Variants in DOCK6 observed in about 807,000 individuals in gnomAD.
DOCK6 encodes the protein dedicator of cytokinesis 6.
In DOCK6, 167 loss-of-function variants were observed where a neutral mutation model predicts 230.3. The ratio of observed to expected loss-of-function variants is 0.73; its 90% CI spans 0.64 to 0.82. The LOEUF (loss-of-function observed/expected upper bound fraction) is 0.82, where lower values mean the gene tolerates loss of function less well. DOCK6 is among the 40% of genes least tolerant of loss of function. The probability of loss-of-function intolerance (pLI) is 0.00; values close to 1 mark genes in which losing one functional copy is unlikely to be tolerated. For synonymous variants in DOCK6, 1,148 were observed against 1,185.0 expected, an observed-to-expected ratio of 0.97 and a Z score of 0.64; for missense variants, 2,598 against 2,825.8, an observed-to-expected ratio of 0.92 and a Z score of 1.83.
At chr19:11,259,556 C>CTTTTTTTTTTTTTTTTTTTT (rs756965986) in intron 1 of DOCK6, among the ~76,000 whole-genome samples, 3 of 103,644 alleles carry the variant, frequency 2.9e-5, no homozygotes, top group African/African-American at 7.0e-5. Context: ...TATTTCTTTT[C>CTTTTTTTTTTTTTTTTTTTT]TTTTTTTTTT....
chr19:11,204,433 C>A, intron 39 of DOCK6, 102 bp from the exon 40 acceptor site: 1 of 1,474,262 alleles, frequency 6.8e-7, no homozygotes, highest in African/African-American at 1.4e-5. Flanking sequence ...CCTACCCACC[C>A]TCCATCACCT....
At chr19:11,239,628 A>G in intron 14 of DOCK6, 2 of 1,613,538 alleles carry the variant, frequency 1.2e-6, no homozygotes, top group Non-Finnish European at 1.7e-6. Flanking sequence ...TATACCTTAG[A>G]CCCTCAGTCA....
intron 39 of DOCK6, among the ~76,000 whole-genome samples, chr19:11,204,886 T>C (rs1003385748): frequency 6.6e-6 from 1 of 152,128 alleles, no homozygotes; most frequent in African/African-American, 2.4e-5. Flanking sequence ...ACAGGTACGA[T>C]GTACATCTGC....
At position 11,222,830 on chromosome 19, in the gene DOCK6, A is replaced by G; in HGVS notation, c.3145T>C (p.Cys1049Arg). 1 of 1,599,786 alleles carries G rather than the reference A, an allele frequency of 6.3e-7. No individual in the cohort carries two copies. Among genetic ancestry groups the G allele is most frequent in the Non-Finnish European group, 8.5e-7 (1 of 1,173,700 alleles). The change falls in exon 26 of 48, where the codon TGC becomes CGC. Residue 1049 changes from cysteine (C) to arginine (R), a missense_variant. Coordinates refer to ENST00000294618, the MANE Select transcript of DOCK6 (RefSeq NM_020812.4). This position sits in a 1 kb window ranked among gnomAD's most constrained non-coding sequence, Gnocchi z 4.0. ...TLRMEFTRIL[C>R]SHEHYVTLNL... Reference sequence around the variant, plus strand: ...AGGGTCACGTAGTGCTCGTGGCTGCACAGGATGCGGGTGAATTCCATGCGC... The same window carrying G: ...AGGGTCACGTAGTGCTCGTGGCTGCGCAGGATGCGGGTGAATTCCATGCGC...
At chr19:11,256,556 G>C (rs992279534) in intron 1 of DOCK6, among the ~76,000 whole-genome samples, 1 of 152,256 alleles carries the variant, frequency 6.6e-6, no homozygotes, top group Non-Finnish European at 1.5e-5. Context: ...GCTGTTCTGA[G>C]TGTAAGGCTT....
rs1205178996 is a variant in DOCK6 at position 11,252,070 on chromosome 19, G to A, written c.507+49C>T. ...CACATGTGACCAAAAGCTGAGGCCG[G>A]AGCCTCCACACATACCCCTTCAGTG... On this transcript the variant is annotated intron_variant, in intron 5 of 47. Transcript: ENST00000294618. 7.0e-6 allele frequency: 11 copies of A among 1,566,784 alleles called. No individual in the cohort carries two copies. In the South Asian group the frequency reaches 9.4e-5, roughly 13 times the overall value.
At chr19:11,256,665 G>A (rs1282884318) in intron 1 of DOCK6, among the ~76,000 whole-genome samples, 2 of 152,010 alleles carry the variant, frequency 1.3e-5, no homozygotes, top group Admixed American at 6.6e-5. Flanking sequence ...TTTTGTTTTC[G>A]TTTTTTAAAA....
At chr19:11,261,886 G>A (rs571726121) in intron 1 of DOCK6, among the ~76,000 whole-genome samples, 1 of 152,188 alleles carries the variant, frequency 6.6e-6, no homozygotes, top group East Asian at 1.9e-4. Context: ...AGGGGGAAGG[G>A]CACGGGAAAC....
chr19:11,245,965 G>T (rs192691712), intron 7 of DOCK6, 87 bp from the exon 8 acceptor site: 9 of 1,442,446 alleles, frequency 6.2e-6, no homozygotes, highest in Non-Finnish European at 8.6e-6. Flanking sequence ...AAGGTGGGGG[G>T]CATCTGACTC....
At position 11,209,083 on chromosome 19, in the gene DOCK6, C is replaced by T. The variant is rs765970945; in HGVS notation, c.4772G>A (p.Gly1591Asp). The T allele has an allele frequency of 6.8e-6, 11 of 1,611,736 alleles. No individual in the cohort carries two copies. Among genetic ancestry groups the T allele is most frequent in the African/African-American group, 1.3e-5 (1 of 74,838 alleles). Residue 1591 changes from glycine (G) to aspartate (D), a missense_variant, in exon 38 of 48, where the codon GGC becomes GAC. By Grantham distance (94) the Gly-to-Asp change is moderately conservative. Transcript: ENST00000294618. ...CCAGGTCAGCCGAAGGTCCGGTGAG[C>T]CCTGGTAGCCCCGGGCAATTCTGGA... is the stretch of plus-strand genomic sequence containing the variant. ...LMYRIARGYQ[G>D]SPDLRLTWLQ...
chr19:11,229,348 C>G, intron 22 of DOCK6: 6 of 1,137,194 alleles, frequency 5.3e-6, no homozygotes, highest in Non-Finnish European at 6.5e-6. Flanking sequence ...GAGGAGGAAC[C>G]CTCGAGGTAG....
At chr19:11,241,743 C>A (rs917714579) in intron 14 of DOCK6, 105 of 1,556,208 alleles carry the variant, frequency 6.7e-5, no homozygotes, top group Non-Finnish European at 9.1e-5. Flanking sequence ...TTCCACGCCC[C>A]GTGAGGCCCC....
intron 2 of DOCK6, among the ~76,000 whole-genome samples, chr19:11,253,430 A>G (rs1329212709): frequency 6.6e-6 from 1 of 152,112 alleles, no homozygotes; most frequent in Non-Finnish European, 1.5e-5. Context: ...CAGGGTGACA[A>G]GCAGCGGCAG....
At position 11,240,079 on chromosome 19, in the gene DOCK6, T is replaced by C. The variant is rs1408039350; in HGVS notation, c.1644-1775A>G. The stretch of plus-strand genomic sequence containing the variant: ...TCAGCGATAAACTCAGGCAAGTCCT[T>C]AGGTACACAAAGATGAGTTGGACAT... On this transcript the variant is annotated intron_variant, in intron 14 of 47. Transcript: ENST00000294618. 5 of 1,549,794 alleles carry C rather than the reference T, an allele frequency of 3.2e-6. No individual in the cohort carries two copies. The Middle Eastern group carries it at 8.4e-4, about 260-fold the overall frequency.
rs753216001 is a variant in DOCK6 at position 11,252,537 on chromosome 19, G to A, written c.322C>T (p.Gln108Ter). The A allele has an allele frequency of 1.9e-6, 3 of 1,613,732 alleles. No homozygotes were observed. Among genetic ancestry groups the A allele is most frequent in the Admixed American group, 1.7e-5 (1 of 59,984 alleles). The change falls in exon 4 of 48, where the codon CAG becomes TAG. Residue 108 changes from glutamine (Q) to a stop codon, truncating the protein, a stop_gained. Coordinates refer to ENST00000294618, the MANE Select transcript of DOCK6 (RefSeq NM_020812.4). LOFTEE classifies it high-confidence loss of function. The stretch of plus-strand genomic sequence containing the variant: ...TACATCTCCACCGCGGCCCTCACCT[G>A]GGCATCCAGTTTTCTGCAGCAAAAG... ...GIPKDEKLDA[Q>*]VRAAVEMYIE...
At position 11,245,695 on chromosome 19, in the gene DOCK6, G is replaced by A. The variant is rs1368548181; in HGVS notation, c.891C>T (p.Tyr297=). 6.2e-7 allele frequency: 1 copy of A among 1,605,654 alleles called. No individual in the cohort carries two copies. The highest frequency in any genetic ancestry group is 8.5e-7 in the Non-Finnish European group (1 of 1,174,964). The change falls in exon 9 of 48, where the codon TAC becomes TAT. Residue 297 remains tyrosine, a synonymous_variant. Coordinates refer to ENST00000294618, the MANE Select transcript of DOCK6 (RefSeq NM_020812.4). ...TCATGGAGTCCGAGTTCAGGTCGAAGTAGAAGTTCTCCGAGATCTGGGGAC... is the reference window on the plus strand; with the variant it reads ...TCATGGAGTCCGAGTTCAGGTCGAAATAGAAGTTCTCCGAGATCTGGGGAC... The part of the protein sequence containing the change: ...REKKKISENF[Y]FDLNSDSMKG...
chr19:11,205,610 C>T lies in DOCK6; in HGVS notation c.5089-1279G>A, dbSNP rs576769575. Among the ~76,000 whole-genome samples the T allele has an allele frequency of 2.3e-3, 348 of 151,804 alleles. 3 individuals are homozygous for T. The highest frequency in any genetic ancestry group is 7.8e-3 in the African/African-American group (321 of 41,400). On this transcript the variant is annotated intron_variant, in intron 39 of 47. Coordinates refer to ENST00000294618, the MANE Select transcript of DOCK6 (RefSeq NM_020812.4). ...TACCCACCTCGACCTCTCAAAGTGC[C>T]GGGATTACAGGCGTGAGCCACTGCA...
At chr19:11,205,317 C>T (rs1343289853) in intron 39 of DOCK6, among the ~76,000 whole-genome samples, 2 of 152,108 alleles carry the variant, frequency 1.3e-5, no homozygotes, top group Non-Finnish European at 2.9e-5. Flanking sequence ...CAACCTGTCA[C>T]CTACATTAGA....
At position 11,200,257 on chromosome 19, in the gene DOCK6, G is replaced by A; in HGVS notation, c.6101+51C>T. 2.6e-6 allele frequency: 4 copies of A among 1,527,794 alleles called. No homozygotes were observed. The highest frequency in any genetic ancestry group is 2.3e-4 in the Middle Eastern group (1 of 4,402). 94.6% of individuals were successfully genotyped at this position (1,527,794 alleles called of 1,614,324 possible). On this transcript the variant is annotated intron_variant, in intron 47 of 47. Transcript: ENST00000294618. This position sits in a 1 kb window ranked among gnomAD's most constrained non-coding sequence, Gnocchi z 4.3. ...CCCCATCCTGTACCTGTCCTGGTCT[G>A]CCTCTGCATCCCCTCTCTAGTCTCT...
Sources: gnomAD v4.1 joint callset for allele counts (sites outside exome capture counted in the v4.1 genomes callset) on GRCh38, gnomAD v4.1.1 for gene constraint, Gnocchi (gnomAD v3.1) non-coding constraint, MANE v1.5 for transcripts, NCBI Gene and HGNC (gene_info 2026-07-23, HGNC 2026-07-21) for gene names.